Variants in EFCAB13 observed in about 807,000 individuals in gnomAD.
EFCAB13 encodes EF-hand calcium-binding domain-containing protein 13.
A neutral mutation model predicts 110.2 loss-of-function variants in EFCAB13; 91 were observed. That is an observed-to-expected ratio of 0.83 (90% CI 0.70 to 0.98). EFCAB13 has a LOEUF of 0.98. Ranked by LOEUF, EFCAB13 falls within the 50% of genes least tolerant of loss-of-function variation. The pLI is 0.00. For missense variants in EFCAB13, 968 were observed against 1,119.4 expected (o/e 0.86, Z 1.93); for synonymous variants, 323 against 369.9 (o/e 0.87, Z 1.45).
intron 3 of EFCAB13, among the ~76,000 whole-genome samples, chr17:47,327,637 A>G (rs980713897): frequency 6.6e-6 from 1 of 152,160 alleles, no homozygotes; most frequent in Non-Finnish European, 1.5e-5. Context: ...TTGTATTTTT[A>G]GTAGATACGG....
chr17:47,430,539 G>T (rs1555589905), intron 24 of EFCAB13: 1 of 152,050 alleles, frequency 6.6e-6, no homozygotes, highest in Non-Finnish European at 1.5e-5. Flanking sequence ...TGGGCCAAGA[G>T]TTTTTTTGTG....
intron 12 of EFCAB13, among the ~76,000 whole-genome samples, chr17:47,375,168 A>G (rs1299397104): frequency 6.6e-6 from 1 of 152,066 alleles, no homozygotes; most frequent in Non-Finnish European, 1.5e-5. Flanking sequence ...ATCCTCCTGC[A>G]TTGGCCTCCC....
At chr17:47,380,755 T>G (rs1466530284) in intron 14 of EFCAB13, among the ~76,000 whole-genome samples, 2 of 152,196 alleles carry the variant, frequency 1.3e-5, no homozygotes, top group African/African-American at 2.4e-5. Context: ...TTTCCTGACT[T>G]TTTAATGATC....
chr17:47,346,848 GT>G (rs2065419887), intron 8 of EFCAB13, among the ~76,000 whole-genome samples: 1 of 152,074 alleles, frequency 6.6e-6, no homozygotes, highest in Non-Finnish European at 1.5e-5. Flanking sequence ...GTTTTCATTA[GT>G]TGCTGAATTT....
At chr17:47,398,111 TG>T (rs1262256739) in intron 17 of EFCAB13, among the ~76,000 whole-genome samples, 5 of 114,410 alleles carry the variant, frequency 4.4e-5, no homozygotes, top group African/African-American at 1.8e-4. Flanking sequence ...GGGAGGGAGG[TG>T]GGGGGGTCAG....
chr17:47,394,193 C>A, intron 16 of EFCAB13, 94 bp downstream of exon 16: 1 of 713,930 alleles, frequency 1.4e-6, no homozygotes, highest in Non-Finnish European at 2.2e-6. Flanking sequence ...TCTTATAGAG[C>A]TAGTTATCCT....
chr17:47,335,636 G>A (rs2065345149), intron 5 of EFCAB13, among the ~76,000 whole-genome samples: 1 of 152,150 alleles, frequency 6.6e-6, no homozygotes, highest in South Asian at 2.1e-4. Context: ...ATAAATAAAA[G>A]AGGTTTAATT....
intron 5 of EFCAB13, among the ~76,000 whole-genome samples, chr17:47,338,217 G>A (rs1245999453): frequency 6.6e-6 from 1 of 150,968 alleles, no homozygotes; most frequent in East Asian, 1.9e-4. Context: ...AATGGGTCAT[G>A]AAATCAGGTT....
rs1171607844 is a variant in EFCAB13 at position 47,365,065 on chromosome 17, A to T, written c.805+3544A>T. Among the ~76,000 whole-genome samples the T allele has an allele frequency of 2.0e-5, 3 of 152,186 alleles. No individual in the cohort carries two copies. The East Asian group carries it at 5.8e-4, about 29-fold the overall frequency. ...TCCCAGACCTCTCTGAGTAGGTCAG[A>T]TTCTCATGTTATACACTCTTATAGC... On this transcript the variant is annotated intron_variant, in intron 10 of 24. Coordinates refer to ENST00000331493, the MANE Select transcript of EFCAB13 (RefSeq NM_152347.5).
At chr17:47,423,549 C>G in intron 23 of EFCAB13, 1 of 302,934 alleles carries the variant, frequency 3.3e-6, no homozygotes, top group Non-Finnish European at 6.1e-6. Context: ...GTGCCAGGCA[C>G]GGTGCCGGCT....
chr17:47,399,799 A>C (rs771764919), intron 17 of EFCAB13, among the ~76,000 whole-genome samples: 3 of 152,226 alleles, frequency 2.0e-5, no homozygotes, highest in Non-Finnish European at 4.4e-5. Flanking sequence ...AAAAGCATTG[A>C]AAAATAGAAA....
chr17:47,349,281 T>G (rs772792098), intron 9 of EFCAB13, among the ~76,000 whole-genome samples: 6 of 152,202 alleles, frequency 3.9e-5, no homozygotes, highest in Non-Finnish European at 7.3e-5. Flanking sequence ...CTTGTTTTCT[T>G]CGTGACATAG....
rs1905297904 is a variant in EFCAB13, at chr17:47,440,440, AG to A, written c.2650del (p.Val884LeufsTer7). On this transcript the variant is annotated frameshift_variant, in exon 25 of 25. Coordinates refer to ENST00000331493, the MANE Select transcript of EFCAB13 (RefSeq NM_152347.5). LOFTEE classifies it high-confidence loss of function. ...ATGCTTTGCCTTACAGAAAGTGGCA[AG>A]GTTAGCATTCAAGAATTTATGACTA... ...LRHVPEHESG[K>X]VSIQEFMTKL... is the part of the protein sequence containing the mutation. The A allele has an allele frequency of 1.9e-6, 3 of 1,578,146 alleles. No individual in the cohort carries two copies. In the Admixed American group the frequency reaches 5.8e-5, roughly 31 times the overall value.
At chr17:47,434,439 G>A (rs1905175065) in intron 24 of EFCAB13, among the ~76,000 whole-genome samples, 1 of 152,068 alleles carries the variant, frequency 6.6e-6, no homozygotes, top group African/African-American at 2.4e-5. Context: ...TCATGGATGT[G>A]TGGAATCAAT....
At chr17:47,360,284 C>G (rs1000589828) in intron 9 of EFCAB13, among the ~76,000 whole-genome samples, 15 of 152,140 alleles carry the variant, frequency 9.9e-5, no homozygotes, top group African/African-American at 3.4e-4. Flanking sequence ...CTCTCCAGCA[C>G]CTGTTGTTTC....
At chr17:47,384,215 G>C (rs1326616432) in intron 14 of EFCAB13, among the ~76,000 whole-genome samples, 1 of 105,108 alleles carries the variant, frequency 9.5e-6, no homozygotes, top group African/African-American at 3.7e-5. Flanking sequence ...CCTTTATTTT[G>C]AGCCTATGTG....
chr17:47,342,069 A>G (rs1005791559), intron 6 of EFCAB13, 37 bp downstream of exon 6: 16 of 1,234,194 alleles, frequency 1.3e-5, no homozygotes, highest in East Asian at 9.7e-5. Context: ...TTTACCTTCA[A>G]ATATTTTCCT....
chr17:47,415,545 G>C (rs1904413591), intron 23 of EFCAB13, among the ~76,000 whole-genome samples: 1 of 151,994 alleles, frequency 6.6e-6, no homozygotes, highest in African/African-American at 2.4e-5. Flanking sequence ...GGGAAAACAA[G>C]GTAAGGTTAA....
At chr17:47,386,534 G>A (rs769213198) in intron 14 of EFCAB13, among the ~76,000 whole-genome samples, 15 of 152,140 alleles carry the variant, frequency 9.9e-5, no homozygotes, top group Admixed American at 3.3e-4. Flanking sequence ...TGCTGGTAGC[G>A]AGAATTTTAA....
Sources: allele counts gnomAD v4.1 joint callset (sites outside exome capture counted in the v4.1 genomes callset), GRCh38; gene constraint gnomAD v4.1.1; transcripts MANE v1.5; gene names NCBI Gene and HGNC (gene_info 2026-07-23, HGNC 2026-07-21).